GSE1: variants seen among roughly 807,000 people sequenced by gnomAD.
The protein encoded by GSE1 is genetic suppressor element 1.
GSE1 carries 32 observed loss-of-function variants against 112.6 expected under a neutral mutation model. That is an observed-to-expected ratio of 0.28 (90% CI 0.21 to 0.38). The LOEUF is 0.38. Among genes scored for constraint, GSE1 ranks in the 10% least tolerant of loss-of-function variants. The pLI is 1.00. For synonymous variants in GSE1, 1,115 were observed against 735.6 expected (o/e 1.52, Z -8.35); for missense variants, 2,348 against 1,699.2 (o/e 1.38, Z -6.71).
At chr16:85,618,421 C>T (rs569412966) in intron 1 of GSE1, among the ~76,000 whole-genome samples, 2 of 152,252 alleles carry the variant, frequency 1.3e-5, no homozygotes, top group African/African-American at 4.8e-5. Context: ...GTGGGGTGAG[C>T]CCCTGATGAG....
intron 1 of GSE1, among the ~76,000 whole-genome samples, chr16:85,237,477 C>T (rs536616674): frequency 3.9e-5 from 6 of 152,020 alleles, no homozygotes; most frequent in Non-Finnish European, 2.9e-5. Context: ...GAGGGAGTTC[C>T]GAGCTGGGGA....
intron 1 of GSE1, among the ~76,000 whole-genome samples, chr16:85,335,283 C>CCCCAT (rs1360321998): frequency 1.3e-5 from 2 of 152,250 alleles, no homozygotes; most frequent in Non-Finnish European, 2.9e-5. Context: ...CAGCCCTTTG[C>CCCCAT]CCCATGGTGG....
At chr16:85,440,309 C>T (rs2049346195) in intron 2 of GSE1, among the ~76,000 whole-genome samples, 1 of 152,226 alleles carries the variant, frequency 6.6e-6, no homozygotes, top group Non-Finnish European at 1.5e-5. Context: ...GCACAACTTG[C>T]TCTAGCAAAT....
chr16:85,590,736 G>A (rs1436973591), intron 1 of GSE1, among the ~76,000 whole-genome samples: 4 of 152,164 alleles, frequency 2.6e-5, no homozygotes, highest in African/African-American at 7.2e-5. Context: ...CATGTGTGGC[G>A]GGCCCTTTGT....
chr16:85,213,468 A>T (rs2075260166), intron 1 of GSE1, among the ~76,000 whole-genome samples: 1 of 152,132 alleles, frequency 6.6e-6, no homozygotes, highest in Non-Finnish European at 1.5e-5. Context: ...ATTAAAGAAC[A>T]GCCCCTCACC....
At chr16:85,469,025 C>T (rs1433010884) in intron 2 of GSE1, among the ~76,000 whole-genome samples, 4 of 152,110 alleles carry the variant, frequency 2.6e-5, no homozygotes, top group Non-Finnish European at 5.9e-5. Flanking sequence ...GAGGCCGAGG[C>T]AGGTGGATCA....
chr16:85,653,018 A>G (rs2051505674), intron 3 of GSE1, among the ~76,000 whole-genome samples: 1 of 151,280 alleles, frequency 6.6e-6, no homozygotes, highest in Non-Finnish European at 1.5e-5. Flanking sequence ...CAGCGTGGCC[A>G]TGGCTCTCAG....
chr16:85,363,574 C>T (rs1053392042), intron 2 of GSE1, among the ~76,000 whole-genome samples: 3 of 152,242 alleles, frequency 2.0e-5, no homozygotes, highest in Admixed American at 2.0e-4. Context: ...CTGATCCCAG[C>T]ATCCACACAC....
intron 2 of GSE1, among the ~76,000 whole-genome samples, chr16:85,438,312 G>C (rs1451805207): frequency 6.6e-6 from 1 of 152,144 alleles, no homozygotes. Flanking sequence ...TGTCTTTCCG[G>C]GTCTGTGCTG....
intron 2 of GSE1, among the ~76,000 whole-genome samples, chr16:85,523,488 A>G (rs2052260012): frequency 1.3e-5 from 2 of 152,196 alleles, no homozygotes; most frequent in African/African-American, 4.8e-5. Flanking sequence ...CACACTCCCC[A>G]GATCAGGGAG....
Position 85,273,492 on chromosome 16 carries a change from A to C in GSE1, c.2284-83971A>C, listed in dbSNP as rs116123089. On this transcript the variant is annotated intron_variant, in intron 1 of 2. Transcript: ENST00000637419. The stretch of plus-strand genomic sequence containing the variant: ...TCAGCCATAAAAAGGAGTGAAGTGC[A>C]GATCCATGGTGCAGCATGGATCAAC... Among the ~76,000 whole-genome samples, 1,117 of 152,318 alleles carry C rather than the reference A, an allele frequency of 7.3e-3. 18 individuals are homozygous for C. The highest frequency in any genetic ancestry group is 0.026 in the African/African-American group (1,069 of 41,576).
chr16:85,313,001 G>A (rs1016097961), intron 1 of GSE1, among the ~76,000 whole-genome samples: 2 of 152,070 alleles, frequency 1.3e-5, no homozygotes, highest in Admixed American at 1.3e-4. Flanking sequence ...TCCCTGGAGC[G>A]GGCAGCCTCC....
At chr16:85,260,186 C>G (rs948487919) in intron 1 of GSE1, among the ~76,000 whole-genome samples, 1 of 152,224 alleles carries the variant, frequency 6.6e-6, no homozygotes, top group Non-Finnish European at 1.5e-5. Context: ...GCCCACTGCC[C>G]TCCCATGGTA....
rs766370490 is a variant in GSE1 at position 85,663,562 on chromosome 16, G to A, written c.2592G>A (p.Lys864=). ...ACAGTCCCAACTTCGAAGAAAAGAA[G>A]AAGTTCCTGACCATCTTCAACCTGA... ...MNNSPNFEEK[K]KFLTIFNLTH... is the part of the protein sequence containing the mutation. The change falls in exon 11 of 16, where the codon AAG becomes AAA. Residue 864 remains lysine (K), a synonymous_variant. Transcript: ENST00000253458. 6.2e-7 allele frequency: 1 copy of A among 1,613,994 alleles called. No individual in the cohort carries two copies. Among genetic ancestry groups the A allele is most frequent in the Non-Finnish European group, 8.5e-7 (1 of 1,180,026 alleles).
chr16:85,302,499 C>A (rs547346932), intron 1 of GSE1, among the ~76,000 whole-genome samples: 45 of 151,684 alleles, frequency 3.0e-4, no homozygotes, highest in Non-Finnish European at 6.5e-4. Flanking sequence ...CAAGGCTCTT[C>A]TTGACAGTAG....
chr16:85,480,349 A>G (rs1162662835), intron 2 of GSE1, among the ~76,000 whole-genome samples: 1 of 152,090 alleles, frequency 6.6e-6, no homozygotes, highest in Admixed American at 6.5e-5. Flanking sequence ...CGTCTTCTGC[A>G]TCTCGCTTGC....
rs972449173 is a variant in GSE1, at chr16:85,176,029, C to T, written c.2283+4222C>T. ...TTTGAGACAGGGTCTCACTCTGTTG[C>T]CCAGGCTGGCGTGCAATGGTACAAT... On this transcript the variant is annotated intron_variant, in intron 1 of 2. Coordinates refer to the GSE1 transcript ENST00000637419. Among the ~76,000 whole-genome samples, 3 of 151,436 alleles carry T rather than the reference C, an allele frequency of 2.0e-5. No homozygotes were observed. The South Asian group carries it at 6.2e-4, about 31-fold the overall frequency.
chr16:85,394,846 G>A (rs1257922082), intron 2 of GSE1, among the ~76,000 whole-genome samples: 5 of 152,106 alleles, frequency 3.3e-5, no homozygotes. Context: ...CTGGCTCCTT[G>A]GGCACACGGT....
rs1453520751 is a variant in GSE1 at position 85,410,465 on chromosome 16, C to A, written c.2464+52822C>A. Among the ~76,000 whole-genome samples the A allele has an allele frequency of 3.6e-4, 5 of 13,842 alleles. 1 individual carries two copies. Among genetic ancestry groups the A allele is most frequent in the Non-Finnish European group, 8.2e-4 (5 of 6,064 alleles). The allele number at this position is 13,842 out of a possible 152,430, so 9.1% of individuals were successfully genotyped here. A position where few individuals can be genotyped will look rare whatever the true frequency, so the allele number is the denominator to read the frequency against. Reference sequence around the variant, plus strand: ...ATCCTCACTGTTACACTCAGGGCCCCCCTGGATAATGCTCACTGTTACACT... The same window carrying A: ...ATCCTCACTGTTACACTCAGGGCCCACCTGGATAATGCTCACTGTTACACT... On this transcript the variant is annotated intron_variant, in intron 2 of 2. Coordinates refer to the GSE1 transcript ENST00000637419.
Sources: allele counts gnomAD v4.1 joint callset (sites outside exome capture counted in the v4.1 genomes callset), GRCh38; gene constraint gnomAD v4.1.1; transcripts MANE v1.5; gene names NCBI Gene and HGNC (gene_info 2026-07-23, HGNC 2026-07-21).